GRB10: variants seen among roughly 807,000 people sequenced by gnomAD.
GRB10 encodes growth factor receptor-bound protein 10.
In GRB10, 20 loss-of-function variants were observed where a neutral mutation model predicts 80.9. The ratio of observed to expected loss-of-function variants is 0.25; its 90% CI spans 0.17 to 0.36. The LOEUF is 0.36. Ranked by LOEUF, GRB10 falls within the 10% of genes least tolerant of loss-of-function variation. The pLI is 1.00. For missense variants in GRB10, 548 were observed against 747.7 expected (o/e 0.73, Z 3.12); for synonymous variants, 291 against 291.5 (o/e 1.00, Z 0.02).
intron 18 of GRB10, among the ~76,000 whole-genome samples, chr7:50,594,712 A>C (rs943286616): frequency 6.6e-6 from 1 of 152,192 alleles, no homozygotes; most frequent in Non-Finnish European, 1.5e-5. Flanking sequence ...CTGATCTAGC[A>C]CTCTAATCAT....
At chr7:50,611,551 CT>C (rs2049531856) in intron 13 of GRB10, among the ~76,000 whole-genome samples, 1 of 152,196 alleles carries the variant, frequency 6.6e-6, no homozygotes, top group Admixed American at 6.5e-5. Flanking sequence ...GGAAGCCAAT[CT>C]GTGGAACTTT....
At chr7:50,690,842 C>T (rs773879533) in intron 5 of GRB10, among the ~76,000 whole-genome samples, 1 of 152,150 alleles carries the variant, frequency 6.6e-6, no homozygotes, top group Non-Finnish European at 1.5e-5. Flanking sequence ...AATTATCTGC[C>T]AAAGGGGACC....
At position 50,782,775 on chromosome 7, in the gene GRB10, G is replaced by A. The variant is rs1489827393; in HGVS notation, c.-678C>T. 6.6e-6 allele frequency: 1 copy of A among 152,106 alleles called. No individual in the cohort carries two copies. Among genetic ancestry groups the A allele is most frequent in the Non-Finnish European group, 1.5e-5 (1 of 67,990 alleles). The allele number at this position is 152,106 out of a possible 1,614,324, so 9.4% of individuals were successfully genotyped here. The stretch of plus-strand genomic sequence containing the variant: ...GCGCCATCACCACGCAGGTGCCCGG[G>A]GGCCCCTCCGCGGAGCCGGCTGCCG... On this transcript the variant is annotated 5_prime_UTR_variant, in exon 1 of 19. Transcript: ENST00000401949. This position sits in a 1 kb window ranked among gnomAD's most constrained non-coding sequence, Gnocchi z 6.6.
intron 4 of GRB10, among the ~76,000 whole-genome samples, chr7:50,720,453 C>A (rs116112360): frequency 2.0e-5 from 3 of 152,018 alleles, no homozygotes; most frequent in African/African-American, 7.3e-5. Context: ...GACTCATAAC[C>A]GGTGGCAGCA....
At chr7:50,754,804 T>C (rs1224890093) in intron 3 of GRB10, among the ~76,000 whole-genome samples, 1 of 152,156 alleles carries the variant, frequency 6.6e-6, no homozygotes, top group Non-Finnish European at 1.5e-5. Context: ...ATTCCTATGT[T>C]AAGCCCTAAC....
intron 2 of GRB10, among the ~76,000 whole-genome samples, chr7:50,772,374 A>C (rs188139944): frequency 1.7e-3 from 256 of 152,370 alleles, no homozygotes; most frequent in African/African-American, 6.0e-3. Context: ...CAAGAGTCCC[A>C]GGACAGTCAA....
At chr7:50,709,584 CG>C (rs2065574844) in intron 4 of GRB10, among the ~76,000 whole-genome samples, 1 of 151,752 alleles carries the variant, frequency 6.6e-6, no homozygotes, top group Non-Finnish European at 1.5e-5. Flanking sequence ...ACCCCCACCC[CG>C]CGCCCTCCGG....
At chr7:50,595,873 T>C (rs2046554541) in intron 17 of GRB10, 2 of 231,034 alleles carry the variant, frequency 8.7e-6, no homozygotes, top group Non-Finnish European at 1.7e-5. Flanking sequence ...TGAGGACATG[T>C]CAAAAAGACA....
chr7:50,652,295 G>A (rs1016578084), intron 7 of GRB10, among the ~76,000 whole-genome samples: 1 of 152,278 alleles, frequency 6.6e-6, no homozygotes, highest in African/African-American at 2.4e-5. Flanking sequence ...CTGGTGGGCT[G>A]GGCAGCAAGC....
chr7:50,774,413 C>T (rs1562686296), intron 2 of GRB10, among the ~76,000 whole-genome samples: 1 of 152,228 alleles, frequency 6.6e-6, no homozygotes, highest in African/African-American at 2.4e-5. Flanking sequence ...CTATTTCTCA[C>T]AGTTCTAGAA....
intron 7 of GRB10, among the ~76,000 whole-genome samples, chr7:50,664,834 T>C (rs1321571231): frequency 1.3e-5 from 2 of 152,234 alleles, no homozygotes; most frequent in Non-Finnish European, 2.9e-5. Flanking sequence ...TCTTTTCAAA[T>C]GAGTCACAAA....
intron 18 of GRB10, among the ~76,000 whole-genome samples, chr7:50,593,743 C>CT (rs1207254126): frequency 6.6e-6 from 1 of 152,168 alleles, no homozygotes; most frequent in Non-Finnish European, 1.5e-5. Context: ...CAAAACACTG[C>CT]TGAAAGGAGG....
At chr7:50,751,532 T>A (rs1193820370) in intron 3 of GRB10, among the ~76,000 whole-genome samples, 2 of 152,120 alleles carry the variant, frequency 1.3e-5, no homozygotes, top group Non-Finnish European at 2.9e-5. Flanking sequence ...ATGCAAGCAA[T>A]CTATACTGAG....
chr7:50,651,962 A>T (rs559257417), intron 7 of GRB10, among the ~76,000 whole-genome samples: 1 of 152,306 alleles, frequency 6.6e-6, no homozygotes, highest in Admixed American at 6.5e-5. Context: ...CCCTCACTGG[A>T]CGCCCAGCCA....
At chr7:50,748,240 T>G (rs2073361863) in intron 3 of GRB10, among the ~76,000 whole-genome samples, 1 of 152,210 alleles carries the variant, frequency 6.6e-6, no homozygotes, top group Non-Finnish European at 1.5e-5. Context: ...TCCTCCTCTC[T>G]GCCTAGCACC....
chr7:50,647,340 C>T (rs1453291073), intron 7 of GRB10, among the ~76,000 whole-genome samples: 1 of 151,860 alleles, frequency 6.6e-6, no homozygotes, highest in East Asian at 1.9e-4. Context: ...AACATTAAAC[C>T]TAAAATGTAA....
chr7:50,722,121 G>A (rs1387481251), intron 4 of GRB10, among the ~76,000 whole-genome samples: 1 of 152,140 alleles, frequency 6.6e-6, no homozygotes, highest in Non-Finnish European at 1.5e-5. Flanking sequence ...GAGGCAGGGT[G>A]TACCACGGGC....
chr7:50,628,293 T>C (rs1225028499), intron 7 of GRB10, among the ~76,000 whole-genome samples: 1 of 152,162 alleles, frequency 6.6e-6, no homozygotes, highest in African/African-American at 2.4e-5. Flanking sequence ...GAATGTTAGT[T>C]TGTCCTGACA....
intron 4 of GRB10, chr7:50,705,155 T>G: frequency 6.1e-6 from 6 of 985,534 alleles, no homozygotes; most frequent in Non-Finnish European, 7.2e-6. Context: ...AGCAAACAGG[T>G]TTAGGTCTGG....
Sources: allele counts gnomAD v4.1 joint callset (sites outside exome capture counted in the v4.1 genomes callset), GRCh38; gene constraint gnomAD v4.1.1; non-coding constraint Gnocchi (gnomAD v3.1); transcripts MANE v1.5; gene names NCBI Gene and HGNC (gene_info 2026-07-23, HGNC 2026-07-21).